RAPGEF2: variants seen among roughly 807,000 people sequenced by gnomAD.
The protein encoded by RAPGEF2 is PDZ domain containing guanine nucleotide exchange factor (GEF) 1.
Under a neutral mutation model 186.7 loss-of-function variants are expected in RAPGEF2, and 54 were observed. The ratio of observed to expected loss-of-function variants is 0.29; its 90% CI spans 0.23 to 0.36. The LOEUF (loss-of-function observed/expected upper bound fraction) is 0.36. Ranked by LOEUF, RAPGEF2 falls within the 10% of genes least tolerant of loss-of-function variation. RAPGEF2 has a pLI of 1.00. For synonymous variants in RAPGEF2, 712 were observed against 705.9 expected, an observed-to-expected ratio of 1.01 and a Z score of -0.14; for missense variants, 1,532 against 2,045.0, an observed-to-expected ratio of 0.75 and a Z score of 4.84.
At position 159,343,260 on chromosome 4, in the gene RAPGEF2, TTCCTCCTCTG is replaced by T. The variant is rs775386956; in HGVS notation, c.3131-18_3131-9del. On this transcript the variant is annotated splice_polypyrimidine_tract_variant and intron_variant, in intron 21 of 29. Coordinates refer to ENST00000691494, the MANE Select transcript of RAPGEF2 (RefSeq NM_001394067.2). ...AGAATAAATGCCATGTGATTTCCTT[TTCCTCCTCTG>T]TCAATTTCAGGAAATGACTCAAAAG... is the stretch of plus-strand genomic sequence containing the variant. 1 of 1,614,082 alleles carries T rather than the reference TTCCTCCTCTG, an allele frequency of 6.2e-7. No homozygotes were observed. Among genetic ancestry groups the T allele is most frequent in the Admixed American group, 1.7e-5 (1 of 60,024 alleles).
rs143580730 is a variant in RAPGEF2, at chr4:159,355,664, T to G, written c.4652-189T>G. Among the ~76,000 whole-genome samples the G allele has an allele frequency of 1.5e-3, 221 of 152,286 alleles. 1 individual carries two copies. The Middle Eastern group carries it at 0.051, about 35-fold the overall frequency. On this transcript the variant is annotated intron_variant, in intron 28 of 29. Coordinates refer to ENST00000691494, the MANE Select transcript of RAPGEF2 (RefSeq NM_001394067.2). ...ATTATTTCACCACACAAAGATAACA[T>G]CATTGTGAAATTTGGTTTAGTTAAC...
chr4:159,265,960 A>G (rs1757378168), intron 7 of RAPGEF2, among the ~76,000 whole-genome samples: 3 of 152,228 alleles, frequency 2.0e-5, no homozygotes, highest in African/African-American at 4.8e-5. Flanking sequence ...TCATCATGTA[A>G]GTATTCCATG....
Position 159,241,205 on chromosome 4 carries a change from A to G in RAPGEF2, c.362A>G (p.Asp121Gly), listed in dbSNP as rs1342809547. The G allele has an allele frequency of 6.6e-6, 10 of 1,513,732 alleles. No individual in the cohort carries two copies. The highest frequency in any genetic ancestry group is 1.7e-4 in the Middle Eastern group (1 of 5,886). 93.8% of individuals were successfully genotyped at this position (1,513,732 alleles called of 1,614,324 possible). Residue 121 changes from aspartate to glycine, a missense_variant, in exon 6 of 30, where the codon GAC becomes GGC. By Grantham distance (94) the Asp-to-Gly change is moderately conservative (BLOSUM62 -1). Transcript: ENST00000691494. ...TTTTGGGGGGTTTTATTTCAGGTGG[A>G]CTATATGGATGAAAATGAAGAATAT... Reference protein sequence around the residue: ...VLEPSEMIVVDYMDENEEYFQ... With the variant: ...VLEPSEMIVVGYMDENEEYFQ...
intron 2 of RAPGEF2, among the ~76,000 whole-genome samples, chr4:159,191,610 G>A (rs576122469): frequency 6.6e-6 from 1 of 152,024 alleles, no homozygotes; most frequent in East Asian, 1.9e-4. Context: ...GTGGTGGCGC[G>A]CAACGATAGT....
intron 1 of RAPGEF2, among the ~76,000 whole-genome samples, chr4:159,151,695 G>A (rs916592583): frequency 6.6e-6 from 1 of 152,168 alleles, no homozygotes; most frequent in African/African-American, 2.4e-5. Context: ...TGGGGAAGGT[G>A]TAGTGAGAGG....
intron 1 of RAPGEF2, among the ~76,000 whole-genome samples, chr4:159,139,619 G>A (rs1412423186): frequency 6.6e-6 from 1 of 151,888 alleles, no homozygotes; most frequent in African/African-American, 2.4e-5. Context: ...CTTAAAGGTT[G>A]TTTTGGTAAT....
chr4:159,132,704 G>C (rs1741239664), intron 1 of RAPGEF2, among the ~76,000 whole-genome samples: 1 of 152,020 alleles, frequency 6.6e-6, no homozygotes, highest in African/African-American at 2.4e-5. Flanking sequence ...TGGGTGGTGG[G>C]TCAGAAAGAA....
At chr4:159,219,516 C>T (rs1016230853) in intron 4 of RAPGEF2, among the ~76,000 whole-genome samples, 9 of 151,894 alleles carry the variant, frequency 5.9e-5, no homozygotes, top group East Asian at 3.9e-4. Flanking sequence ...CCACCACGTC[C>T]GGATAATTTT....
At chr4:159,203,863 G>C (rs1204794056) in intron 3 of RAPGEF2, among the ~76,000 whole-genome samples, 1 of 152,214 alleles carries the variant, frequency 6.6e-6, no homozygotes, top group East Asian at 1.9e-4. Flanking sequence ...CTGTGAAGAA[G>C]GCATCAATGT....
rs774758290 is a variant in RAPGEF2 at position 159,341,832 on chromosome 4, G to C, written c.2803G>C (p.Glu935Gln). ...INQETFWVAS[E>Q]ILRETNQLKR... ...CCAGGAAACATTTTGGGTAGCATCT[G>C]AAATTCTCAGAGAAACAAACCAGCT... Residue 935 changes from glutamate (E) to glutamine (Q), a missense_variant, in exon 20 of 30, where the codon GAA becomes CAA. This residue lies in a region of RAPGEF2 where 810 missense variants were observed against 1,210.5 expected (regional missense o/e 0.67). Transcript: ENST00000691494. 4 of 1,613,698 alleles carry C rather than the reference G, an allele frequency of 2.5e-6. No homozygotes were observed. Among genetic ancestry groups the C allele is most frequent in the Non-Finnish European group, 3.4e-6 (4 of 1,179,884 alleles).
At position 159,260,447 on chromosome 4, in the gene RAPGEF2, T is replaced by C. The variant is rs1756692803; in HGVS notation, c.543+16656T>C. The stretch of plus-strand genomic sequence containing the variant: ...TTTTTTTTCCTATGATTCTATATTA[T>C]ATCAGCCTTTCTACTCGCATTTTCC... On this transcript the variant is annotated intron_variant, in intron 7 of 29. Transcript: ENST00000691494. Among the ~76,000 whole-genome samples, 3 of 152,168 alleles carry C rather than the reference T, an allele frequency of 2.0e-5. No individual in the cohort carries two copies. In the South Asian group the frequency reaches 6.2e-4, roughly 31 times the overall value.
chr4:159,322,337 T>C lies in RAPGEF2; in HGVS notation c.854-10T>C, dbSNP rs10014951. ...AGTAGTTTTTACAAAGTATGTCTTTTGCTTTTCAGAACAACTCTTGGAATT... is the reference window on the plus strand; with the variant it reads ...AGTAGTTTTTACAAAGTATGTCTTTCGCTTTTCAGAACAACTCTTGGAATT... On this transcript the variant is annotated splice_polypyrimidine_tract_variant and intron_variant, in intron 9 of 29. Coordinates refer to ENST00000691494, the MANE Select transcript of RAPGEF2 (RefSeq NM_001394067.2). 3,121 of 1,612,762 alleles carry C rather than the reference T, an allele frequency of 1.9e-3. 45 individuals are homozygous for C. The African/African-American group carries it at 0.036, about 18-fold the overall frequency.
At chr4:159,113,388 A>G (rs543259002) in intron 1 of RAPGEF2, among the ~76,000 whole-genome samples, 1 of 152,338 alleles carries the variant, frequency 6.6e-6, no homozygotes, top group East Asian at 1.9e-4. Context: ...AAAAGGAAGC[A>G]TAGCTTTTGA....
chr4:159,195,727 AAC>A (rs950519199), intron 3 of RAPGEF2, among the ~76,000 whole-genome samples: 61 of 152,110 alleles, frequency 4.0e-4, no homozygotes, highest in African/African-American at 1.3e-3. Flanking sequence ...TGCTGGGGTA[AAC>A]ACACACTCTC....
intron 7 of RAPGEF2, among the ~76,000 whole-genome samples, chr4:159,250,151 C>G (rs1561144973): frequency 6.6e-6 from 1 of 151,950 alleles, no homozygotes; most frequent in Non-Finnish European, 1.5e-5. Context: ...ATCAGATATC[C>G]TCCCCCACCC....
At chr4:159,135,156 GT>G (rs1741582761) in intron 1 of RAPGEF2, among the ~76,000 whole-genome samples, 1 of 152,084 alleles carries the variant, frequency 6.6e-6, no homozygotes, top group Admixed American at 6.6e-5. Flanking sequence ...TGATTCTCCT[GT>G]TTCAGCCTCC....
chr4:159,162,283 G>A (rs1744797635), intron 1 of RAPGEF2, among the ~76,000 whole-genome samples: 1 of 150,244 alleles, frequency 6.7e-6, no homozygotes, highest in Non-Finnish European at 1.5e-5. Flanking sequence ...CCAAGTAGCT[G>A]GGACTACAAG....
Position 159,228,052 on chromosome 4 carries a change from T to A in RAPGEF2, c.282-10757T>A, listed in dbSNP as rs1752219012. On this transcript the variant is annotated intron_variant, in intron 4 of 29. Transcript: ENST00000691494. ...TACAAGAGAGTAGATAATGAATTAA[T>A]AGAAATTGATAAAGAGTGTCTGTCA... Among the ~76,000 whole-genome samples the A allele has an allele frequency of 2.6e-5, 4 of 152,272 alleles. No homozygotes were observed. The South Asian group carries it at 8.3e-4, about 32-fold the overall frequency.
chr4:159,325,556 G>A (rs1765805617), intron 11 of RAPGEF2, among the ~76,000 whole-genome samples: 1 of 151,718 alleles, frequency 6.6e-6, no homozygotes, highest in South Asian at 2.1e-4. Context: ...TTACAATAGT[G>A]TTTGAGTTAG....
Sources: allele counts gnomAD v4.1 joint callset (sites outside exome capture counted in the v4.1 genomes callset), GRCh38; gene constraint gnomAD v4.1.1; regional missense constraint gnomAD v4.1.1; transcripts MANE v1.5; gene names NCBI Gene and HGNC (gene_info 2026-07-23, HGNC 2026-07-21).